The following UBE2G1 variants were observed in gnomAD, a reference collection of about 807,000 sequenced individuals.
UBE2G1 encodes the protein ubiquitin conjugating enzyme E2 G1, also known as ubiquitin-conjugating enzyme E2 G1.
UBE2G1 carries 5 observed loss-of-function variants against 22.7 expected under a neutral mutation model. The observed-to-expected ratio is 0.22, with a 90% CI of 0.12 to 0.46. The LOEUF (loss-of-function observed/expected upper bound fraction) is 0.46, where lower values mean the gene tolerates loss of function less well. Among genes scored for constraint, UBE2G1 ranks in the 20% least tolerant of loss-of-function variants. The pLI, the probability that UBE2G1 is intolerant of heterozygous loss-of-function variation, is 0.99. For synonymous variants in UBE2G1, 74 were observed against 67.5 expected (o/e 1.10, Z -0.47); for missense variants, 88 against 203.9 (o/e 0.43, Z 3.46).
intron 1 of UBE2G1, among the ~76,000 whole-genome samples, chr17:4,322,447 A>G (rs1224528066): frequency 2.6e-5 from 4 of 152,238 alleles, no homozygotes; most frequent in Admixed American, 2.6e-4. Flanking sequence ...TCTAATTCAA[A>G]TAACTATTTA....
chr17:4,324,435 T>C (rs1969478087), intron 1 of UBE2G1, among the ~76,000 whole-genome samples: 1 of 152,212 alleles, frequency 6.6e-6, no homozygotes, highest in Non-Finnish European at 1.5e-5. Flanking sequence ...ATTATTAAAA[T>C]GAATTTTACC....
At chr17:4,277,177 A>AC (rs1400365750) in intron 5 of UBE2G1, among the ~76,000 whole-genome samples, 3 of 152,148 alleles carry the variant, frequency 2.0e-5, no homozygotes, top group Non-Finnish European at 4.4e-5. Flanking sequence ...ACTGAGGGAG[A>AC]ACTCCAGCCA....
intron 1 of UBE2G1, among the ~76,000 whole-genome samples, chr17:4,316,490 T>C (rs959291890): frequency 1.5e-4 from 23 of 152,088 alleles, no homozygotes; most frequent in African/African-American, 5.3e-4. Flanking sequence ...TGCAAAAACG[T>C]TCCCGTCCTT....
At chr17:4,291,009 TC>T (rs1820803818) in intron 3 of UBE2G1, among the ~76,000 whole-genome samples, 1 of 152,134 alleles carries the variant, frequency 6.6e-6, no homozygotes, top group Non-Finnish European at 1.5e-5. Flanking sequence ...AGGTTCCTCT[TC>T]CCAACCCATC....
intron 2 of UBE2G1, chr17:4,301,978 C>T (rs1969185713): frequency 2.0e-6 from 1 of 490,772 alleles, no homozygotes; most frequent in Non-Finnish European, 4.1e-6. Context: ...TCTGTGCCTT[C>T]CTTGGCTCTT....
At chr17:4,280,625 C>G (rs1400810311) in intron 5 of UBE2G1, among the ~76,000 whole-genome samples, 2 of 150,978 alleles carry the variant, frequency 1.3e-5, no homozygotes, top group Admixed American at 1.3e-4. Flanking sequence ...CATGAGCCAC[C>G]ATGCCCGGCT....
At chr17:4,320,948 T>C (rs1176734309) in intron 1 of UBE2G1, among the ~76,000 whole-genome samples, 1 of 151,794 alleles carries the variant, frequency 6.6e-6, no homozygotes, top group African/African-American at 2.4e-5. Context: ...AAAAAAGAAA[T>C]TATGAATATT....
At chr17:4,356,404 G>T (rs1356169565) in intron 1 of UBE2G1, among the ~76,000 whole-genome samples, 2 of 152,024 alleles carry the variant, frequency 1.3e-5, no homozygotes, top group Non-Finnish European at 2.9e-5. Context: ...TGTTTACATA[G>T]TGCTACTAAA....
intron 1 of UBE2G1, among the ~76,000 whole-genome samples, chr17:4,332,438 T>C (rs185496033): frequency 6.4e-4 from 97 of 152,314 alleles, no homozygotes; most frequent in African/African-American, 2.2e-3. Flanking sequence ...ACCTTCCCTA[T>C]TGTATCTACT....
intron 4 of UBE2G1, among the ~76,000 whole-genome samples, chr17:4,288,603 A>T (rs182293943): frequency 9.2e-5 from 14 of 152,284 alleles, no homozygotes; most frequent in African/African-American, 3.1e-4. Flanking sequence ...TTACAAAAAA[A>T]TTTCACAGTT....
At chr17:4,303,329 G>A (rs1189665711) in intron 2 of UBE2G1, among the ~76,000 whole-genome samples, 1 of 152,014 alleles carries the variant, frequency 6.6e-6, no homozygotes, top group Non-Finnish European at 1.5e-5. Flanking sequence ...ACTACAAAGT[G>A]TCCTTCGAAT....
At position 4,326,259 on chromosome 17, in the gene UBE2G1, T is replaced by G. The variant is rs1598195091; in HGVS notation, c.47-19136A>C. ...AACTCAATAACAACAAGAAAACCAATGCAAAAATGGGCAAATGACTTGAAT... is the reference window on the plus strand; with the variant it reads ...AACTCAATAACAACAAGAAAACCAAGGCAAAAATGGGCAAATGACTTGAAT... On this transcript the variant is annotated intron_variant, in intron 1 of 5. Coordinates refer to ENST00000396981, the MANE Select transcript of UBE2G1 (RefSeq NM_003342.5). Among the ~76,000 whole-genome samples the G allele has an allele frequency of 6.6e-5, 10 of 152,132 alleles. No homozygotes were observed. The East Asian group carries it at 1.9e-3, about 29-fold the overall frequency.
chr17:4,314,753 T>C (rs1422283058), intron 1 of UBE2G1, among the ~76,000 whole-genome samples: 2 of 152,236 alleles, frequency 1.3e-5, no homozygotes, highest in East Asian at 3.9e-4. Context: ...TAATCTCACC[T>C]CACAAACCTA....
At chr17:4,316,317 C>T (rs902663126) in intron 1 of UBE2G1, among the ~76,000 whole-genome samples, 1 of 113,850 alleles carries the variant, frequency 8.8e-6, no homozygotes, top group Admixed American at 8.9e-5. Context: ...TCACTTTGAA[C>T]TTCTGAGATC....
intron 2 of UBE2G1, among the ~76,000 whole-genome samples, chr17:4,305,453 A>G (rs1598187571): frequency 6.6e-6 from 1 of 152,070 alleles, no homozygotes. Flanking sequence ...GCATATACAC[A>G]CTCCAGCAGA....
rs148697628 is a variant in UBE2G1, at chr17:4,359,581, T to G, written c.46+6690A>C. Among the ~76,000 whole-genome samples the G allele has an allele frequency of 2.6e-5, 4 of 152,296 alleles. No homozygotes were observed. The East Asian group carries it at 7.7e-4, about 29-fold the overall frequency. On this transcript the variant is annotated intron_variant, in intron 1 of 5. Transcript: ENST00000396981. ...CAATGGAACAGCACTGATAAAAACTTCTGATTAGACCGGGCGCGATGGCTC... is the reference window on the plus strand; with the variant it reads ...CAATGGAACAGCACTGATAAAAACTGCTGATTAGACCGGGCGCGATGGCTC...
intron 1 of UBE2G1, among the ~76,000 whole-genome samples, chr17:4,349,549 A>C (rs146268027): frequency 1.9e-3 from 294 of 152,114 alleles, no homozygotes; most frequent in African/African-American, 6.7e-3. Context: ...CTAAAAATAA[A>C]ATACATTTAA....
rs913734721 is a variant in UBE2G1, at chr17:4,331,251, A to G, written c.47-24128T>C. Among the ~76,000 whole-genome samples the G allele has an allele frequency of 3.5e-4, 53 of 152,216 alleles. 1 individual carries two copies. The highest frequency in any genetic ancestry group is 1.2e-3 in the African/African-American group (51 of 41,458). ...TTAACTAAGAAATGACCAGAAATTT[A>G]TCCGAAGAGAAATAATCAAGGATTA... On this transcript the variant is annotated intron_variant, in intron 1 of 5. Transcript: ENST00000396981.
chr17:4,363,675 G>A (rs1188216939), intron 1 of UBE2G1, among the ~76,000 whole-genome samples: 2 of 151,976 alleles, frequency 1.3e-5, no homozygotes, highest in African/African-American at 2.4e-5. Context: ...CAGAGAGGCC[G>A]GGCCCGGTGG....
Sources: allele counts gnomAD v4.1 joint callset (sites outside exome capture counted in the v4.1 genomes callset), GRCh38; gene constraint gnomAD v4.1.1; transcripts MANE v1.5; gene names NCBI Gene and HGNC (gene_info 2026-07-23, HGNC 2026-07-21).